Variants in FCN1 observed in about 807,000 individuals in gnomAD.
FCN1 encodes ficolin-1.
A neutral mutation model predicts 35.6 loss-of-function variants in FCN1; 42 were observed. The observed-to-expected ratio is 1.18, with a 90% CI of 0.92 to 1.53. The LOEUF (loss-of-function observed/expected upper bound fraction) is 1.53. FCN1 is among the 40% of genes most tolerant of loss of function. The pLI is 0.00. For missense variants in FCN1, 439 were observed against 428.4 expected, an observed-to-expected ratio of 1.02 and a Z score of -0.22; for synonymous variants, 179 against 169.8, an observed-to-expected ratio of 1.05 and a Z score of -0.42.
intron 7 of FCN1, among the ~76,000 whole-genome samples, chr9:134,911,547 T>A (rs1238873074): frequency 6.7e-6 from 1 of 149,660 alleles, no homozygotes; most frequent in African/African-American, 2.5e-5. Flanking sequence ...AGAGATGGGG[T>A]TTCACCATGT....
chr9:134,916,223 G>A lies in FCN1; in HGVS notation c.217+125C>T, dbSNP rs56723782. On this transcript the variant is annotated intron_variant, in intron 2 of 8. Transcript: ENST00000371806. ...AGCTCTGTTCCTGGCTCTAGCAGGG[G>A]CCTGACCCAGGCTCTTGATCTAGGA... is the stretch of plus-strand genomic sequence containing the variant. The A allele has an allele frequency of 2.1e-4, 163 of 767,746 alleles. No homozygotes were observed. The African/African-American group carries it at 2.5e-3, about 12-fold the overall frequency. 47.6% of individuals were successfully genotyped at this position (767,746 alleles called of 1,614,324 possible).
intron 2 of FCN1, 102 bp from the exon 3 acceptor site, chr9:134,914,911 G>A (rs1831072769): frequency 2.4e-6 from 2 of 829,322 alleles, no homozygotes; most frequent in Non-Finnish European, 4.0e-6. Flanking sequence ...CCCCCACTCT[G>A]CCTTGAACCC....
Position 134,905,515 on chromosome 9 carries a change from G to T in FCN1, c.*4283C>A, listed in dbSNP as rs1427293014. Among the ~76,000 whole-genome samples, 1 of 151,916 alleles carries T rather than the reference G, an allele frequency of 6.6e-6. No homozygotes were observed. Among genetic ancestry groups the T allele is most frequent in the African/African-American group, 2.4e-5 (1 of 41,330 alleles). On this transcript the variant is annotated 3_prime_UTR_variant, in exon 9 of 9. Coordinates refer to ENST00000371806, the MANE Select transcript of FCN1 (RefSeq NM_002003.5). Reference sequence around the variant, plus strand: ...TTCTTTTATTTTGAGACAGAGTCTCGCTCTGTCGCCCAGGCTGGAGTGCAG... The same window carrying T: ...TTCTTTTATTTTGAGACAGAGTCTCTCTCTGTCGCCCAGGCTGGAGTGCAG...
chr9:134,906,583 A>G lies in FCN1; in HGVS notation c.*3215T>C, dbSNP rs1830959931. Reference sequence around the variant, plus strand: ...TCTAATAATTTAACTTAGAAATGCAATGAGCTCAAAGTCTCTTAAATATGC... The same window carrying G: ...TCTAATAATTTAACTTAGAAATGCAGTGAGCTCAAAGTCTCTTAAATATGC... On this transcript the variant is annotated 3_prime_UTR_variant, in exon 9 of 9. Coordinates refer to ENST00000371806, the MANE Select transcript of FCN1 (RefSeq NM_002003.5). 1 of 152,208 alleles carries G rather than the reference A, an allele frequency of 6.6e-6. No homozygotes were observed. Among genetic ancestry groups the G allele is most frequent in the African/African-American group, 2.4e-5 (1 of 41,454 alleles). 9.4% of individuals were successfully genotyped at this position (152,208 alleles called of 1,614,324 possible).
Position 134,908,983 on chromosome 9 carries a change from G to C in FCN1, c.*815C>G. ...GAGTCACACTTGCCACATTCCCTTT[G>C]ATGCTTCTTAGGTCGTGGTTGAGAA... On this transcript the variant is annotated 3_prime_UTR_variant, in exon 9 of 9. Transcript: ENST00000371806. 3.0e-6 allele frequency: 1 copy of C among 331,242 alleles called. No homozygotes were observed. The highest frequency in any genetic ancestry group is 2.5e-5 in the South Asian group (1 of 40,698). The allele number at this position is 331,242 out of a possible 1,614,324, so 20.5% of individuals were successfully genotyped here. A position where few individuals can be genotyped will look rare whatever the true frequency, so the allele number is the denominator to read the frequency against.
intron 8 of FCN1, among the ~76,000 whole-genome samples, chr9:134,910,430 TCTC>T (rs1831009142): frequency 6.6e-6 from 1 of 152,082 alleles, no homozygotes; most frequent in African/African-American, 2.4e-5. Flanking sequence ...CCTGGGGGCT[TCTC>T]CTCTATCTCA....
Position 134,917,903 on chromosome 9 carries a change from C to T in FCN1, c.-32G>A, listed in dbSNP as rs1440751280. 6.8e-7 allele frequency: 1 copy of T among 1,468,508 alleles called. No individual in the cohort carries two copies. Among genetic ancestry groups the T allele is most frequent in the Non-Finnish European group, 9.5e-7 (1 of 1,048,114 alleles). 91.0% of individuals were successfully genotyped at this position (1,468,508 alleles called of 1,614,324 possible). A position where few individuals can be genotyped will look rare whatever the true frequency, so the allele number is the denominator to read the frequency against. On this transcript the variant is annotated 5_prime_UTR_variant, in exon 1 of 9. Transcript: ENST00000371806. ...TGGCCTTTGACTCTGAAGAGTCCCC[C>T]AGCTCTAACAGGGCAGAGGAAACCA...
intron 8 of FCN1, among the ~76,000 whole-genome samples, chr9:134,910,568 G>A (rs895237610): frequency 2.6e-5 from 4 of 152,162 alleles, no homozygotes; most frequent in African/African-American, 7.2e-5. Context: ...TGGAGGTCAT[G>A]CGTGAGATCG....
chr9:134,915,631 G>A (rs1831083425), intron 2 of FCN1, among the ~76,000 whole-genome samples: 1 of 152,014 alleles, frequency 6.6e-6, no homozygotes, highest in Non-Finnish European at 1.5e-5. Flanking sequence ...GAAAGTCCAA[G>A]TCATAGGGAC....
chr9:134,914,551 G>A lies in FCN1; in HGVS notation c.272-131C>T, dbSNP rs144729671. The A allele has an allele frequency of 4.6e-4, 469 of 1,024,426 alleles. 1 individual carries two copies. The African/African-American group carries it at 6.7e-3, about 15-fold the overall frequency. 63.5% of individuals were successfully genotyped at this position (1,024,426 alleles called of 1,614,324 possible). On this transcript the variant is annotated intron_variant, in intron 3 of 8. Transcript: ENST00000371806. ...TGCAGGCTCACTAAGGCATCACAAC[G>A]CCCAGGTCTCAATGGTGGGGAGGGG...
Position 134,904,683 on chromosome 9 carries a change from G to A in FCN1, c.*5115C>T, listed in dbSNP as rs1296978139. On this transcript the variant is annotated 3_prime_UTR_variant, in exon 9 of 9. Transcript: ENST00000371806. Reference sequence around the variant, plus strand: ...TAGTCCCAGCTACACGGGAAGCTGAGGCAGGAGAATTGTTTGAGCCCAGGA... The same window carrying A: ...TAGTCCCAGCTACACGGGAAGCTGAAGCAGGAGAATTGTTTGAGCCCAGGA... 6.6e-6 allele frequency among the ~76,000 whole-genome samples: 1 copy of A among 152,134 alleles called. No individual in the cohort carries two copies. The highest frequency in any genetic ancestry group is 6.5e-5 in the Admixed American group (1 of 15,274).
At chr9:134,914,212 T>C (rs1588152915) in intron 4 of FCN1, among the ~76,000 whole-genome samples, 173 bp downstream of exon 4, 1 of 152,160 alleles carries the variant, frequency 6.6e-6, no homozygotes, top group African/African-American at 2.4e-5. Context: ...GACACCAGGG[T>C]TTGAGCCCTC....
At position 134,912,315 on chromosome 9, in the gene FCN1, G is replaced by A. The variant is rs1831033007; in HGVS notation, c.598+171C>T. On this transcript the variant is annotated intron_variant, in intron 7 of 8. Transcript: ENST00000371806. ...TCTAACCGTTTCCCTTCCCGATGTT[G>A]CCAGAGCCTGCGGCAGGGGACGCAG... Among the ~76,000 whole-genome samples, 2 of 152,186 alleles carry A rather than the reference G, an allele frequency of 1.3e-5. 1 individual carries two copies. Among genetic ancestry groups the A allele is most frequent in the South Asian group, 4.1e-4 (2 of 4,828 alleles).
At position 134,909,934 on chromosome 9, in the gene FCN1, T is replaced by C; in HGVS notation, c.845A>G (p.Asp282Gly). ...EKFQGAWWYA[D>G]CHASNLNGLY... ...ACCATTGAGGTTTGAAGCATGACAG[T>C]CGGCGTACCACCAGGCTCCTTGGAA... is the stretch of plus-strand genomic sequence containing the variant. Residue 282 changes from aspartate to glycine, a missense_variant, in exon 9 of 9, where the codon GAC (aspartate) becomes GGC (glycine). By Grantham distance (94) the Asp-to-Gly change is moderately conservative. Coordinates refer to ENST00000371806, the MANE Select transcript of FCN1 (RefSeq NM_002003.5). The C allele has an allele frequency of 6.2e-7, 1 of 1,614,122 alleles. No individual in the cohort carries two copies. The highest frequency in any genetic ancestry group is 1.1e-5 in the South Asian group (1 of 91,068).
At chr9:134,913,457 A>G (rs1027893416) in intron 5 of FCN1, 124 bp downstream of exon 5, 1 of 751,730 alleles carries the variant, frequency 1.3e-6, no homozygotes, top group Non-Finnish European at 2.2e-6. Flanking sequence ...TACTCGAGTG[A>G]TTGAGGGGGG....
rs567267433 is a variant in FCN1 at position 134,903,349 on chromosome 9, C to T, written c.*6449G>A. Among the ~76,000 whole-genome samples, 2 of 152,170 alleles carry T rather than the reference C, an allele frequency of 1.3e-5. No homozygotes were observed. The highest frequency in any genetic ancestry group is 1.9e-4 in the East Asian group (1 of 5,186). ...CAAATTGAACTTTCACCAACATAGACCATATTCTGGGCCATAAAATAAACA... is the reference window on the plus strand; with the variant it reads ...CAAATTGAACTTTCACCAACATAGATCATATTCTGGGCCATAAAATAAACA... On this transcript the variant is annotated 3_prime_UTR_variant, in exon 9 of 9. Coordinates refer to ENST00000371806, the MANE Select transcript of FCN1 (RefSeq NM_002003.5).
chr9:134,915,009 C>T (rs777948826), intron 2 of FCN1, among the ~76,000 whole-genome samples, 200 bp from the exon 3 acceptor site: 13 of 152,264 alleles, frequency 8.5e-5, no homozygotes, highest in Non-Finnish European at 1.8e-4. Context: ...GAGGGAGGGG[C>T]CTGCACCCCA....
Position 134,905,858 on chromosome 9 carries a change from CTCTTCCTCTTCTTCTTCT to C in FCN1, c.*3922_*3939del, listed in dbSNP as rs1830944167. 1.3e-4 allele frequency: 4 copies of C among 30,428 alleles called. No individual in the cohort carries two copies. The highest frequency in any genetic ancestry group is 1.1e-3 in the East Asian group (2 of 1,876). The allele number at this position is 30,428 out of a possible 1,614,324, so 1.9% of individuals were successfully genotyped here. A position where few individuals can be genotyped will look rare whatever the true frequency, so the allele number is the denominator to read the frequency against. On this transcript the variant is annotated 3_prime_UTR_variant, in exon 9 of 9. Transcript: ENST00000371806. ...CCTCTTCCTCTTCCTCTTCCTCTTC[CTCTTCCTCTTCTTCTTCT>C]TCTTCTTCTTCTTCTTCTTCTTCTT...
Position 134,905,901 on chromosome 9 carries a change from T to TCTC in FCN1, c.*3896_*3897insGAG, listed in dbSNP as rs1312130169. 2,502 of 84,768 alleles carry TCTC rather than the reference T, an allele frequency of 0.03. 79 individuals are homozygous for TCTC. The highest frequency in any genetic ancestry group is 0.042 in the South Asian group (119 of 2,808). The allele number at this position is 84,768 out of a possible 1,614,324, so 5.3% of individuals were successfully genotyped here. A position where few individuals can be genotyped will look rare whatever the true frequency, so the allele number is the denominator to read the frequency against. ...TTCTTCTTCTTCTTCTTCTTCTTCTTCTTCTTCTTCTTCTTCTTCTTCTCC... is the reference window on the plus strand; with the variant it reads ...TTCTTCTTCTTCTTCTTCTTCTTCTTCTCCTTCTTCTTCTTCTTCTTCTTCTCC... On this transcript the variant is annotated 3_prime_UTR_variant, in exon 9 of 9. Transcript: ENST00000371806.
Sources: allele counts gnomAD v4.1 joint callset (sites outside exome capture counted in the v4.1 genomes callset), GRCh38; gene constraint gnomAD v4.1.1; transcripts MANE v1.5; gene names NCBI Gene and HGNC (gene_info 2026-07-23, HGNC 2026-07-21).